RNF169: variants seen among roughly 807,000 people sequenced by gnomAD.
RNF169 encodes E3 ubiquitin-protein ligase RNF169.
In RNF169, 24 loss-of-function variants were observed where a neutral mutation model predicts 53.9. That is an observed-to-expected ratio of 0.45 (90% CI 0.32 to 0.63). The LOEUF (loss-of-function observed/expected upper bound fraction) is 0.63, where lower values mean the gene tolerates loss of function less well. RNF169 is among the 20% of genes least tolerant of loss of function. The pLI, the probability that RNF169 is intolerant of heterozygous loss-of-function variation, is 0.04. For synonymous variants in RNF169, 396 were observed against 363.5 expected (o/e 1.09, Z -1.02); for missense variants, 883 against 906.2 (o/e 0.97, Z 0.33).
chr11:74,821,960 G>C (rs2036017658), intron 4 of RNF169, among the ~76,000 whole-genome samples: 1 of 152,110 alleles, frequency 6.6e-6, no homozygotes, highest in Admixed American at 6.6e-5. Context: ...CTTCTGGGTG[G>C]ATAGCAGCTG....
rs192506575 is a variant in RNF169, at chr11:74,758,663, G to A, written c.502+9281G>A. Among the ~76,000 whole-genome samples the A allele has an allele frequency of 4.3e-3, 648 of 152,146 alleles. 3 individuals carry two copies. Among genetic ancestry groups the A allele is most frequent in the African/African-American group, 0.015 (614 of 41,518 alleles). On this transcript the variant is annotated intron_variant, in intron 1 of 5. Coordinates refer to ENST00000299563, the MANE Select transcript of RNF169 (RefSeq NM_001098638.2). ...ACTACAGGCGCCCGCCACTACGCCC[G>A]GCTAATTTTTTTTTGTATTTTTAGT...
At chr11:74,832,794 A>G (rs1465173496) in intron 4 of RNF169, among the ~76,000 whole-genome samples, 1 of 152,198 alleles carries the variant, frequency 6.6e-6, no homozygotes, top group Admixed American at 6.5e-5. Context: ...AACCCAAGGT[A>G]TATATTATTT....
intron 1 of RNF169, among the ~76,000 whole-genome samples, chr11:74,777,051 CAG>C (rs2035346626): frequency 1.3e-5 from 2 of 152,170 alleles, no homozygotes; most frequent in African/African-American, 4.8e-5. Context: ...GATGGAAAGA[CAG>C]AGTCTAAGAG....
intron 4 of RNF169, among the ~76,000 whole-genome samples, chr11:74,824,216 GGAATC>G (rs1419389001): frequency 6.6e-6 from 1 of 152,028 alleles, no homozygotes; most frequent in Non-Finnish European, 1.5e-5. Flanking sequence ...TTATAAAAAA[GGAATC>G]AAATAGAAAT....
At chr11:74,782,255 TAGGC>T (rs2035426366) in intron 1 of RNF169, among the ~76,000 whole-genome samples, 1 of 152,034 alleles carries the variant, frequency 6.6e-6, no homozygotes, top group African/African-American at 2.4e-5. Context: ...GAATGTAAAA[TAGGC>T]AGGGCATGAA....
chr11:74,795,219 CT>C (rs71471318), intron 2 of RNF169, among the ~76,000 whole-genome samples: 63,296 of 118,228 alleles, frequency 0.54, 16,543 homozygotes, highest in East Asian at 0.67. Flanking sequence ...TGTAGATACT[CT>C]TTTTTTTTTT....
chr11:74,836,643 C>T lies in RNF169; in HGVS notation c.2040C>T (p.Phe680=), dbSNP rs1272881493. Residue 680 remains phenylalanine, a synonymous_variant, in exon 6 of 6, where the codon TTC becomes TTT. Transcript: ENST00000299563. ...TGGCTCTGCAGTTGCAGCGCATGTT[C>T]GACAATGAGAGGCGGACTGTGAGCC... ...RQLALQLQRM[F]DNERRTVSRR... is the part of the protein sequence containing the mutation. 1.2e-6 allele frequency: 2 copies of T among 1,613,928 alleles called. No homozygotes were observed. The highest frequency in any genetic ancestry group is 1.6e-4 in the Middle Eastern group (1 of 6,062).
At chr11:74,756,986 C>G (rs528322814) in intron 1 of RNF169, among the ~76,000 whole-genome samples, 2 of 145,706 alleles carry the variant, frequency 1.4e-5, no homozygotes. Context: ...TAAAGAACGG[C>G]AATTCTTTTA....
intron 4 of RNF169, among the ~76,000 whole-genome samples, chr11:74,827,303 C>T (rs2036113419): frequency 1.3e-5 from 2 of 152,164 alleles, no homozygotes; most frequent in African/African-American, 4.8e-5. Context: ...GTGTGGGCAC[C>T]AAGAGACTTC....
chr11:74,816,944 TAGAG>T (rs1277676860), intron 3 of RNF169, among the ~76,000 whole-genome samples: 3 of 152,214 alleles, frequency 2.0e-5, no homozygotes, highest in Admixed American at 6.5e-5. Context: ...AGGGTATTAT[TAGAG>T]AGAAGAAAGC....
chr11:74,750,641 G>A (rs1421505739), intron 1 of RNF169, among the ~76,000 whole-genome samples: 5 of 113,518 alleles, frequency 4.4e-5, no homozygotes, highest in African/African-American at 1.6e-4. Context: ...ACTGTCGCCC[G>A]GGCTGGAGTG....
At chr11:74,765,147 T>G (rs775127049) in intron 1 of RNF169, among the ~76,000 whole-genome samples, 28 of 152,280 alleles carry the variant, frequency 1.8e-4, no homozygotes, top group South Asian at 6.2e-4. Flanking sequence ...AGGTCAAGAC[T>G]GCAGTAAGCT....
intron 1 of RNF169, among the ~76,000 whole-genome samples, chr11:74,778,688 G>A (rs1294750535): frequency 6.6e-6 from 1 of 152,196 alleles, no homozygotes; most frequent in Admixed American, 6.5e-5. Flanking sequence ...TTACGTAGCA[G>A]CCTTTATCTA....
At chr11:74,785,375 A>G (rs2035485288) in intron 1 of RNF169, among the ~76,000 whole-genome samples, 1 of 148,726 alleles carries the variant, frequency 6.7e-6, no homozygotes, top group Non-Finnish European at 1.5e-5. Flanking sequence ...GACATTTCTA[A>G]ATACTCTCGC....
chr11:74,841,247 T>C lies in RNF169; in HGVS notation c.*4517T>C, dbSNP rs1292459090. ...CCCATAGAGTGGTCTTTTGAACTGG[T>C]ATCTAAACATACCTGGTTATGAATT... On this transcript the variant is annotated 3_prime_UTR_variant, in exon 6 of 6. Transcript: ENST00000299563. 6.6e-6 allele frequency: 1 copy of C among 152,166 alleles called. No homozygotes were observed. The highest frequency in any genetic ancestry group is 1.5e-5 in the Non-Finnish European group (1 of 68,036). 9.4% of individuals were successfully genotyped at this position (152,166 alleles called of 1,614,324 possible). A position where few individuals can be genotyped will look rare whatever the true frequency, so the allele number is the denominator to read the frequency against.
At position 74,789,535 on chromosome 11, in the gene RNF169, C is replaced by A. The variant is rs1399224135; in HGVS notation, c.503-91C>A. ...TTCTGTTCTTAGCTTTGATTTTTAT[C>A]ATCTATTTATATAACCCACATGTAT... is the stretch of plus-strand genomic sequence containing the variant. On this transcript the variant is annotated intron_variant, in intron 1 of 5. Transcript: ENST00000299563. 6 of 718,652 alleles carry A rather than the reference C, an allele frequency of 8.3e-6. No individual in the cohort carries two copies. In the East Asian group the frequency reaches 1.5e-4, roughly 18 times the overall value. 44.5% of individuals were successfully genotyped at this position (718,652 alleles called of 1,614,324 possible).
chr11:74,802,970 G>A (rs565200123), intron 2 of RNF169, among the ~76,000 whole-genome samples: 10 of 152,272 alleles, frequency 6.6e-5, no homozygotes, highest in African/African-American at 1.9e-4. Context: ...GCCCAGGCTG[G>A]AGTGCATTGG....
In RNF169 at chr11:74,839,850, G is replaced by A. The variant is rs2036322517; in HGVS notation, c.*3120G>A. The A allele has an allele frequency of 6.6e-6, 1 of 152,148 alleles. No homozygotes were observed. The highest frequency in any genetic ancestry group is 6.6e-5 in the Admixed American group (1 of 15,266). 9.4% of individuals were successfully genotyped at this position (152,148 alleles called of 1,614,324 possible). On this transcript the variant is annotated 3_prime_UTR_variant, in exon 6 of 6. Transcript: ENST00000299563. ...CAGGGGATTATGCATCCAGCCCCTG[G>A]CCCCTTTAATCTATTTGCCTCTTTT...
At chr11:74,806,679 A>G (rs1276448835) in intron 2 of RNF169, among the ~76,000 whole-genome samples, 1 of 152,244 alleles carries the variant, frequency 6.6e-6, no homozygotes, top group Non-Finnish European at 1.5e-5. Flanking sequence ...TGTTGAGTGA[A>G]GGCAGAAAGA....
Sources: allele counts gnomAD v4.1 joint callset (sites outside exome capture counted in the v4.1 genomes callset), GRCh38; gene constraint gnomAD v4.1.1; transcripts MANE v1.5; gene names NCBI Gene and HGNC (gene_info 2026-07-23, HGNC 2026-07-21).